Variants in SGCZ observed in about 807,000 individuals in gnomAD.
SGCZ encodes zeta-sarcoglycan.
SGCZ carries 40 observed loss-of-function variants against 41.3 expected under a neutral mutation model. The observed-to-expected ratio is 0.97, with a 90% CI of 0.75 to 1.26. SGCZ has a LOEUF of 1.26. SGCZ is among the 50% of genes most tolerant of loss of function. The pLI, the probability that SGCZ is intolerant of heterozygous loss-of-function variation, is 0.00. For synonymous variants in SGCZ, 206 were observed against 137.5 expected (o/e 1.50, Z -3.49); for missense variants, 552 against 369.8 (o/e 1.49, Z -4.04).
At chr8:14,135,687 A>G (rs557223078) in intron 5 of SGCZ, among the ~76,000 whole-genome samples, 1 of 152,350 alleles carries the variant, frequency 6.6e-6, no homozygotes, top group East Asian at 1.9e-4. Flanking sequence ...AAGTCTTCAA[A>G]CACAGATAGT....
At chr8:14,975,372 C>T (rs548748308) in intron 1 of SGCZ, among the ~76,000 whole-genome samples, 1 of 152,148 alleles carries the variant, frequency 6.6e-6, no homozygotes, top group Non-Finnish European at 1.5e-5. Flanking sequence ...AGCAGCGTTC[C>T]ATCGAAGCAC....
intron 1 of SGCZ, among the ~76,000 whole-genome samples, chr8:15,115,582 C>G (rs547627696): frequency 2.8e-4 from 42 of 152,222 alleles, no homozygotes; most frequent in African/African-American, 1.0e-3. Flanking sequence ...TTCCTCAAGA[C>G]AAATATGGGC....
At chr8:14,931,823 C>A (rs1322527251) in intron 1 of SGCZ, among the ~76,000 whole-genome samples, 5 of 151,866 alleles carry the variant, frequency 3.3e-5, no homozygotes. Flanking sequence ...TCTTATTTCA[C>A]TTTTATTAAA....
At chr8:15,062,734 T>A in intron 1 of SGCZ, among the ~76,000 whole-genome samples, 1 of 152,208 alleles carries the variant, frequency 6.6e-6, no homozygotes, top group East Asian at 1.9e-4. Flanking sequence ...CTTTGTTTTA[T>A]AAACTAGTAC....
intron 1 of SGCZ, among the ~76,000 whole-genome samples, chr8:15,020,738 T>A (rs1483235275): frequency 6.6e-6 from 1 of 152,214 alleles, no homozygotes; most frequent in Non-Finnish European, 1.5e-5. Flanking sequence ...GTCAAGTTCT[T>A]AGCGAATATG....
chr8:14,757,516 G>A (rs1357446874), intron 1 of SGCZ, among the ~76,000 whole-genome samples: 1 of 152,120 alleles, frequency 6.6e-6, no homozygotes, highest in Non-Finnish European at 1.5e-5. Flanking sequence ...AGAAACCTCA[G>A]AGCAGTCTAG....
intron 1 of SGCZ, among the ~76,000 whole-genome samples, chr8:14,799,081 A>G (rs533236128): frequency 1.3e-5 from 2 of 152,076 alleles, no homozygotes; most frequent in South Asian, 4.1e-4. Flanking sequence ...TTTTATGTAA[A>G]TATTAAATTA....
intron 1 of SGCZ, among the ~76,000 whole-genome samples, chr8:15,154,187 T>C (rs770768723): frequency 6.6e-6 from 1 of 152,194 alleles, no homozygotes; most frequent in Non-Finnish European, 1.5e-5. Flanking sequence ...GGTTTTTCTT[T>C]ATAGCAAGGC....
intron 2 of SGCZ, among the ~76,000 whole-genome samples, chr8:14,329,086 A>C (rs1182111021): frequency 6.6e-6 from 1 of 152,074 alleles, no homozygotes; most frequent in African/African-American, 2.4e-5. Context: ...TAAATTACCT[A>C]GTCTCCAGTA....
At chr8:14,569,552 T>C (rs1050848244) in intron 1 of SGCZ, among the ~76,000 whole-genome samples, 1 of 152,188 alleles carries the variant, frequency 6.6e-6, no homozygotes, top group East Asian at 1.9e-4. Flanking sequence ...ATGGATAGAA[T>C]AGTGACATGA....
intron 4 of SGCZ, among the ~76,000 whole-genome samples, chr8:14,219,309 T>G (rs1806106691): frequency 6.6e-6 from 1 of 152,266 alleles, no homozygotes; most frequent in South Asian, 2.1e-4. Context: ...CAATCCCGCT[T>G]AAACCACTAC....
At chr8:14,454,550 A>T (rs1208102775) in intron 2 of SGCZ, among the ~76,000 whole-genome samples, 2 of 152,180 alleles carry the variant, frequency 1.3e-5, no homozygotes, top group Non-Finnish European at 2.9e-5. Flanking sequence ...AAAAAAGTAG[A>T]TAGTAAAGTT....
At chr8:14,210,561 C>G (rs1477781168) in intron 4 of SGCZ, among the ~76,000 whole-genome samples, 1 of 151,736 alleles carries the variant, frequency 6.6e-6, no homozygotes, top group Non-Finnish European at 1.5e-5. Flanking sequence ...CTCCCAGGTT[C>G]AAGAGATTCT....
chr8:14,705,784 C>T (rs1383196229), intron 1 of SGCZ, among the ~76,000 whole-genome samples: 6 of 151,920 alleles, frequency 3.9e-5, no homozygotes, highest in Non-Finnish European at 8.8e-5. Flanking sequence ...ATAATTAATT[C>T]GGCATAAGGC....
chr8:14,605,401 T>G (rs983649964), intron 1 of SGCZ, among the ~76,000 whole-genome samples: 1 of 152,150 alleles, frequency 6.6e-6, no homozygotes, highest in Non-Finnish European at 1.5e-5. Context: ...TCCTTTGTGT[T>G]ACCAACAATC....
intron 1 of SGCZ, among the ~76,000 whole-genome samples, chr8:14,915,057 A>G (rs1454320994): frequency 6.6e-6 from 1 of 152,192 alleles, no homozygotes; most frequent in Admixed American, 6.6e-5. Flanking sequence ...TTTTTCAGCT[A>G]GTAAAAGCTC....
intron 1 of SGCZ, among the ~76,000 whole-genome samples, chr8:14,751,228 C>G (rs1459032852): frequency 6.6e-6 from 1 of 152,148 alleles, no homozygotes; most frequent in South Asian, 2.1e-4. Flanking sequence ...GACACAGTCT[C>G]TCTGACCAGT....
intron 1 of SGCZ, among the ~76,000 whole-genome samples, chr8:14,672,579 C>CCT (rs1227648256): frequency 6.6e-6 from 1 of 152,104 alleles, no homozygotes; most frequent in Non-Finnish European, 1.5e-5. Context: ...GCTGTAATAA[C>CCT]ATAAATATAA....
chr8:15,200,019 T>A lies in SGCZ; in HGVS notation c.39+37566A>T, dbSNP rs79470632. Among the ~76,000 whole-genome samples the A allele has an allele frequency of 1.1e-3, 160 of 152,334 alleles. 2 individuals are homozygous for A. The highest frequency in any genetic ancestry group is 3.7e-3 in the African/African-American group (153 of 41,580). ...ATATTTGTTGTGGTCTATACTTTCT[T>A]GTTTCTTGGTTTTAAAGGACCAAAG... On this transcript the variant is annotated intron_variant, in intron 1 of 7. Transcript: ENST00000382080.
Sources: allele counts gnomAD v4.1 joint callset (sites outside exome capture counted in the v4.1 genomes callset), GRCh38; gene constraint gnomAD v4.1.1; transcripts MANE v1.5; gene names NCBI Gene and HGNC (gene_info 2026-07-23, HGNC 2026-07-21).